NAP1L1: variants seen among roughly 807,000 people sequenced by gnomAD.
NAP1L1 encodes the protein nucleosome assembly protein 1 like 1.
NAP1L1 carries 9 observed loss-of-function variants against 58.9 expected under a neutral mutation model. The observed-to-expected ratio is 0.15, with a 90% CI of 0.09 to 0.27. The LOEUF is 0.27. Among genes scored for constraint, NAP1L1 ranks in the 10% least tolerant of loss-of-function variants. NAP1L1 has a pLI of 1.00. For synonymous variants in NAP1L1, 130 were observed against 138.3 expected (o/e 0.94, Z 0.42); for missense variants, 302 against 458.8 (o/e 0.66, Z 3.12).
chr12:76,044,544 T>C lies in NAP1L1; in HGVS notation c.*3885A>G, dbSNP rs1948580483. ...GACTCTTGGCTTGAGGATGACATGG[T>C]CGGGCCTCAATAAGCCCACTGTAAG... is the stretch of plus-strand genomic sequence containing the variant. On this transcript the variant is annotated 3_prime_UTR_variant, in exon 15 of 15. Coordinates refer to ENST00000618691, the MANE Select transcript of NAP1L1 (RefSeq NM_004537.7). 5.3e-5 allele frequency: 8 copies of C among 152,304 alleles called. No individual in the cohort carries two copies. The South Asian group carries it at 1.7e-3, about 32-fold the overall frequency. The allele number at this position is 152,304 out of a possible 1,614,324, so 9.4% of individuals were successfully genotyped here.
chr12:76,068,735 T>TACACGCACACACACAC, intron 3 of NAP1L1, 174 bp downstream of exon 3: 1 of 293,300 alleles, frequency 3.4e-6, no homozygotes. Flanking sequence ...ACCCGCCCCT[T>TACACGCACACACACAC]ACACACACAC....
At chr12:76,072,121 AC>A (rs2137074062) in intron 2 of NAP1L1, among the ~76,000 whole-genome samples, 1 of 150,954 alleles carries the variant, frequency 6.6e-6, no homozygotes, top group African/African-American at 2.4e-5. Flanking sequence ...CCTACACCCC[AC>A]CCAATCCAAT....
chr12:76,066,743 ACTTAAAGG>A (rs1949694517), intron 4 of NAP1L1, among the ~76,000 whole-genome samples: 1 of 152,228 alleles, frequency 6.6e-6, no homozygotes, highest in South Asian at 2.1e-4. Flanking sequence ...GAAGTTTAAT[ACTTAAAGG>A]CTTCCACACT....
rs534995040 is a variant in NAP1L1 at position 76,040,518 on chromosome 12, TACAC to T, written c.*7907_*7910del. On this transcript the variant is annotated 3_prime_UTR_variant, in exon 15 of 15. Transcript: ENST00000618691. ...AAATATACATACACATACATATACA[TACAC>T]ACACACACACACACAGACAGTTTCA... 3.3e-5 allele frequency: 5 copies of T among 150,054 alleles called. No homozygotes were observed. The highest frequency in any genetic ancestry group is 4.2e-4 in the South Asian group (2 of 4,740). 9.3% of individuals were successfully genotyped at this position (150,054 alleles called of 1,614,324 possible).
At chr12:76,072,711 G>A (rs1950012444) in intron 2 of NAP1L1, among the ~76,000 whole-genome samples, 1 of 152,026 alleles carries the variant, frequency 6.6e-6, no homozygotes, top group African/African-American at 2.4e-5. Context: ...CACACAAATG[G>A]TTAGTTACAA....
chr12:76,058,114 GAGA>G (rs1249464083), intron 6 of NAP1L1: 18 of 728,468 alleles, frequency 2.5e-5, no homozygotes, highest in East Asian at 1.3e-4. Context: ...GAAGATCTTG[GAGA>G]AGAAGTGAAT....
At position 76,038,142 on chromosome 12, in the gene NAP1L1, CA is replaced by C. The variant is rs1458660422; in HGVS notation, c.*10286del. 1 of 152,116 alleles carries C rather than the reference CA, an allele frequency of 6.6e-6. No homozygotes were observed. The highest frequency in any genetic ancestry group is 1.5e-5 in the Non-Finnish European group (1 of 68,026). 9.4% of individuals were successfully genotyped at this position (152,116 alleles called of 1,614,324 possible). A position where few individuals can be genotyped will look rare whatever the true frequency, so the allele number is the denominator to read the frequency against. The stretch of plus-strand genomic sequence containing the variant: ...ATGTTGTCACAAAACTGCAATCACT[CA>C]AAAGTGTTGATATTCTGGCTCTGGG... On this transcript the variant is annotated 3_prime_UTR_variant, in exon 15 of 15. Transcript: ENST00000618691.
intron 3 of NAP1L1, 85 bp downstream of exon 3, chr12:76,068,824 C>T (rs1949813218): frequency 2.1e-6 from 2 of 933,884 alleles, no homozygotes; most frequent in Non-Finnish European, 1.7e-6. Context: ...AGCAAGGGTC[C>T]AAAAAAATAG....
intron 14 of NAP1L1, 162 bp downstream of exon 14, chr12:76,049,036 ATG>A: frequency 1.5e-6 from 1 of 645,976 alleles, no homozygotes; most frequent in Non-Finnish European, 2.6e-6. Flanking sequence ...CACTGAAATT[ATG>A]TGTACTGTTC....
chr12:76,063,457 A>C (rs1305094540), intron 4 of NAP1L1, among the ~76,000 whole-genome samples: 1 of 152,230 alleles, frequency 6.6e-6, no homozygotes, highest in Non-Finnish European at 1.5e-5. Flanking sequence ...GGCAGCAATA[A>C]ATCCAAAAAC....
Position 76,049,762 on chromosome 12 carries a change from C to T in NAP1L1, c.1083G>A (p.Ala361=), listed in dbSNP as rs187127328. 2.8e-5 allele frequency: 45 copies of T among 1,612,744 alleles called. No individual in the cohort carries two copies. The East Asian group carries it at 8.0e-4, about 29-fold the overall frequency. The change falls in exon 13 of 15, where the codon GCG becomes GCA. Residue 361 remains alanine, a synonymous_variant. Transcript: ENST00000618691. The part of the protein sequence containing the change: ...DDDYDEEGEE[A]DEEGEEEGDE... The stretch of plus-strand genomic sequence containing the variant: ...CTCATTTGGTAAACATTACCTCATC[C>T]GCTTCTTCACCTTCTTCATCATACT...
rs1207504222 is a variant in NAP1L1, at chr12:76,042,254, C to A, written c.*6175G>T. ...AACCAATTTAAAAAGTAATCCCAAT[C>A]ACAAATTTTAGGTTTTCTTATGTTT... On this transcript the variant is annotated 3_prime_UTR_variant, in exon 15 of 15. Transcript: ENST00000618691. 2 of 152,128 alleles carry A rather than the reference C, an allele frequency of 1.3e-5. No homozygotes were observed. Among genetic ancestry groups the A allele is most frequent in the Non-Finnish European group, 2.9e-5 (2 of 68,010 alleles). 9.4% of individuals were successfully genotyped at this position (152,128 alleles called of 1,614,324 possible).
Position 76,040,850 on chromosome 12 carries a change from A to AGGATT in NAP1L1, c.*7578_*7579insAATCC, listed in dbSNP as rs1565705540. 6.6e-6 allele frequency: 1 copy of AGGATT among 152,260 alleles called. No homozygotes were observed. Among genetic ancestry groups the AGGATT allele is most frequent in the Non-Finnish European group, 1.5e-5 (1 of 68,088 alleles). 9.4% of individuals were successfully genotyped at this position (152,260 alleles called of 1,614,324 possible). On this transcript the variant is annotated 3_prime_UTR_variant, in exon 15 of 15. Coordinates refer to ENST00000618691, the MANE Select transcript of NAP1L1 (RefSeq NM_004537.7). ...AGTGTTGGGATTACAGGCATGAGCC[A>AGGATT]CCACACCTGGCCATAATATATTTCC...
chr12:76,074,403 G>A, intron 1 of NAP1L1, 164 bp from the exon 2 acceptor site: 1 of 968,204 alleles, frequency 1.0e-6, no homozygotes, highest in African/African-American at 1.8e-5. Context: ...CATGGAACAT[G>A]CAAATTCTTC....
In NAP1L1 at chr12:76,068,916, T is replaced by C; in HGVS notation, c.96A>G (p.Lys32=). Residue 32 remains lysine, a synonymous_variant, in exon 3 of 15, where the codon AAA becomes AAG. Transcript: ENST00000618691. ...AGTAATTTAAAGTAATACCTTTGAGTTTTGTTTCTTCACCAGTTTCCTCTT... is the reference window on the plus strand; with the variant it reads ...AGTAATTTAAAGTAATACCTTTGAGCTTTGTTTCTTCACCAGTTTCCTCTT... ...VEEEETGEET[K]LKARQLTVQM... 6.2e-7 allele frequency: 1 copy of C among 1,610,178 alleles called. No individual in the cohort carries two copies. The highest frequency in any genetic ancestry group is 8.5e-7 in the Non-Finnish European group (1 of 1,176,760).
chr12:76,051,750 C>T (rs1948839956), intron 11 of NAP1L1, among the ~76,000 whole-genome samples: 1 of 152,184 alleles, frequency 6.6e-6, no homozygotes, highest in Non-Finnish European at 1.5e-5. Context: ...TGGCCTGGCT[C>T]ATGCCTGTAA....
intron 4 of NAP1L1, among the ~76,000 whole-genome samples, chr12:76,065,453 T>C (rs566642499): frequency 1.6e-4 from 24 of 151,436 alleles, no homozygotes; most frequent in Middle Eastern, 6.8e-3. Context: ...TATTTGCAGA[T>C]AAAATCTTGT....
intron 13 of NAP1L1, 152 bp downstream of exon 13, chr12:76,049,604 A>C (rs921143833): frequency 1.5e-5 from 23 of 1,508,952 alleles, no homozygotes; most frequent in Non-Finnish European, 2.0e-5. Flanking sequence ...TTATACATAC[A>C]TTGTTTGGCT....
At chr12:76,079,494 T>C (rs79765478) in intron 1 of NAP1L1, among the ~76,000 whole-genome samples, 3,571 of 152,184 alleles carry the variant, frequency 0.023, 232 homozygotes, top group East Asian at 0.18. Flanking sequence ...AAAAAAAATC[T>C]GTAATGTAAA....
Sources: allele counts gnomAD v4.1 joint callset (sites outside exome capture counted in the v4.1 genomes callset), GRCh38; gene constraint gnomAD v4.1.1; transcripts MANE v1.5; gene names NCBI Gene and HGNC (gene_info 2026-07-23, HGNC 2026-07-21).